The following GOLGA8B variants were observed in gnomAD, a reference collection of about 807,000 sequenced individuals.
The protein encoded by GOLGA8B is golgin subfamily A member 8B.
A neutral mutation model predicts 15.6 loss-of-function variants in GOLGA8B; 1 was observed. The observed-to-expected ratio is 0.06, with a 90% CI of 0.02 to 0.30. The LOEUF (loss-of-function observed/expected upper bound fraction) is 0.30. Ranked by LOEUF, GOLGA8B falls within the 10% of genes least tolerant of loss-of-function variation. GOLGA8B has a pLI of 1.00. For missense variants in GOLGA8B, 17 were observed against 201.3 expected, an observed-to-expected ratio of 0.08 and a Z score of 5.54; for synonymous variants, 9 against 80.3, an observed-to-expected ratio of 0.11 and a Z score of 4.75.
At chr15:34,583,188 G>A (rs12899797) in intron 1 of GOLGA8B, among the ~76,000 whole-genome samples, 17,333 of 151,722 alleles carry the variant, frequency 0.11, 1,147 homozygotes, top group East Asian at 0.27. Flanking sequence ...GGCCCCGCCA[G>A]ACAGCGCCAC....
At position 34,569,843 on chromosome 15, in the gene GOLGA8B, A is replaced by T. The variant is rs1888861198; in HGVS notation, c.-1123+13673T>A. Among the ~76,000 whole-genome samples the T allele has an allele frequency of 4.0e-5, 6 of 151,502 alleles. No homozygotes were observed. The South Asian group carries it at 1.3e-3, about 32-fold the overall frequency. Reference sequence around the variant, plus strand: ...GGGCGGACACTCCAAGGTCAAGGCTAGAACATAAATGACAGGGAACAACTG... The same window carrying T: ...GGGCGGACACTCCAAGGTCAAGGCTTGAACATAAATGACAGGGAACAACTG... On this transcript the variant is annotated intron_variant, in intron 1 of 23. Coordinates refer to ENST00000683415, the MANE Select transcript of GOLGA8B (RefSeq NM_001023567.5).
chr15:34,578,841 A>T (rs1390042659), intron 1 of GOLGA8B, among the ~76,000 whole-genome samples: 2 of 152,074 alleles, frequency 1.3e-5, no homozygotes, highest in African/African-American at 4.8e-5. Flanking sequence ...TTTTCTCTTA[A>T]TTTTGATCCT....
intron 4 of GOLGA8B, among the ~76,000 whole-genome samples, chr15:34,549,185 T>A (rs1466136785): frequency 1.1e-4 from 11 of 97,592 alleles, no homozygotes; most frequent in African/African-American, 3.8e-4. Flanking sequence ...ATAAAAACAT[T>A]TCCAACACTC....
intron 7 of GOLGA8B, among the ~76,000 whole-genome samples, chr15:34,543,069 G>A (rs1433557626): frequency 1.1e-4 from 10 of 90,060 alleles, no homozygotes; most frequent in Non-Finnish European, 2.0e-4. Context: ...ATATCTCTCT[G>A]TGTAACATAT....
At chr15:34,579,884 G>C (rs1889184534) in intron 1 of GOLGA8B, among the ~76,000 whole-genome samples, 1 of 152,240 alleles carries the variant, frequency 6.6e-6, no homozygotes, top group Non-Finnish European at 1.5e-5. Context: ...TTTTACATTT[G>C]AGTGATAAGA....
intron 1 of GOLGA8B, among the ~76,000 whole-genome samples, chr15:34,558,234 TTC>T (rs1888542742): frequency 2.2e-5 from 1 of 46,070 alleles, no homozygotes; most frequent in South Asian, 8.7e-4. Flanking sequence ...TGGTCCAGGC[TTC>T]TGTCTGGTCC....
rs1348966558 is a variant in GOLGA8B, at chr15:34,563,936, C to T, written c.-1122-9980G>A. Among the ~76,000 whole-genome samples the T allele has an allele frequency of 1.1e-4, 16 of 139,440 alleles. 1 individual carries two copies. The highest frequency in any genetic ancestry group is 1.1e-3 in the Admixed American group (15 of 13,928). The allele number at this position is 139,440 out of a possible 152,430, so 91.5% of individuals were successfully genotyped here. On this transcript the variant is annotated intron_variant, in intron 1 of 23. Transcript: ENST00000683415. ...ATAGTTTTGTTTCCTTCCTTCTAGG[C>T]TCTTATTTCATTTCCGTACCAATGG...
chr15:34,528,007 G>GA lies in GOLGA8B; in HGVS notation c.1523dup (p.Leu509ProfsTer10), dbSNP rs1408643590. 1 of 942,958 alleles carries GA rather than the reference G, an allele frequency of 1.1e-6. No individual in the cohort carries two copies. Among genetic ancestry groups the GA allele is most frequent in the Non-Finnish European group, 1.5e-6 (1 of 683,756 alleles). 58.4% of individuals were successfully genotyped at this position (942,958 alleles called of 1,614,324 possible). On this transcript the variant is annotated frameshift_variant, in exon 23 of 24. Transcript: ENST00000683415. LOFTEE classifies it high-confidence loss of function. The stretch of plus-strand genomic sequence containing the variant: ...CAGCAGGGTTCCGGGCAGCGGCCAG[G>GA]AATTTGCCGTGCCCCTCGCTGTAGC...
At chr15:34,579,547 A>C (rs1269706921) in intron 1 of GOLGA8B, among the ~76,000 whole-genome samples, 1 of 152,194 alleles carries the variant, frequency 6.6e-6, no homozygotes, top group East Asian at 1.9e-4. Context: ...GCACAATAAG[A>C]AAGCTCATTC....
chr15:34,571,737 G>A (rs1888920072), intron 1 of GOLGA8B, among the ~76,000 whole-genome samples: 1 of 152,056 alleles, frequency 6.6e-6, no homozygotes, highest in Non-Finnish European at 1.5e-5. Flanking sequence ...GCAGGAGGGT[G>A]GTTATACACA....
intron 1 of GOLGA8B, among the ~76,000 whole-genome samples, chr15:34,581,203 T>C (rs559001089): frequency 1.3e-5 from 2 of 152,340 alleles, no homozygotes; most frequent in South Asian, 2.1e-4. Context: ...GGGGCAGGTA[T>C]GCGTGGCAGA....
In GOLGA8B at chr15:34,526,061, C is replaced by T. The variant is rs1059893; in HGVS notation, c.*1571G>A. On this transcript the variant is annotated 3_prime_UTR_variant, in exon 24 of 24. Coordinates refer to ENST00000683415, the MANE Select transcript of GOLGA8B (RefSeq NM_001023567.5). ...GCAATGTATGATTGAAATGCATTCA[C>T]TCATCACGCATAGGCACAATCACAG... 58,009 of 148,762 alleles carry T rather than the reference C, an allele frequency of 0.39. 14,319 individuals are homozygous for T. Among genetic ancestry groups the T allele is most frequent in the Admixed American group, 0.52 (7,640 of 14,598 alleles). The allele number at this position is 148,762 out of a possible 1,614,324, so 9.2% of individuals were successfully genotyped here. A position where few individuals can be genotyped will look rare whatever the true frequency, so the allele number is the denominator to read the frequency against.
intron 1 of GOLGA8B, chr15:34,574,990 C>T (rs974741670): frequency 6.6e-5 from 10 of 152,110 alleles, no homozygotes; most frequent in African/African-American, 2.2e-4. Context: ...CTGAATGTCT[C>T]CCCAGACCCC....
intron 7 of GOLGA8B, among the ~76,000 whole-genome samples, chr15:34,543,710 TAC>T (rs1289192991): frequency 1.0e-5 from 1 of 98,600 alleles, no homozygotes; most frequent in East Asian, 3.2e-4. Context: ...TTCCAAAACC[TAC>T]AGTCTTTGGA....
At chr15:34,581,793 C>T (rs1399223975) in intron 1 of GOLGA8B, among the ~76,000 whole-genome samples, 6 of 152,140 alleles carry the variant, frequency 3.9e-5, no homozygotes, top group Non-Finnish European at 8.8e-5. Flanking sequence ...GCCCAAGAGC[C>T]AGACAGTGGG....
chr15:34,571,187 G>T (rs1435999309), intron 1 of GOLGA8B, among the ~76,000 whole-genome samples: 1 of 152,062 alleles, frequency 6.6e-6, no homozygotes, highest in Non-Finnish European at 1.5e-5. Flanking sequence ...TTAGCCAGGC[G>T]TGGTGGACCC....
chr15:34,566,704 G>T (rs1236652681), intron 1 of GOLGA8B, among the ~76,000 whole-genome samples: 1 of 143,728 alleles, frequency 7.0e-6, no homozygotes, highest in Non-Finnish European at 1.6e-5. Flanking sequence ...AAAACCCCAG[G>T]GTCCAGCCAG....
chr15:34,573,536 CAAAAAAAAAAAA>C (rs60984933), intron 1 of GOLGA8B, among the ~76,000 whole-genome samples: 2 of 86,844 alleles, frequency 2.3e-5, no homozygotes, highest in Admixed American at 1.2e-4. Flanking sequence ...GACTCCGTCT[CAAAAAAAAAAAA>C]AAAAAAAAAA....
chr15:34,579,777 C>T lies in GOLGA8B; in HGVS notation c.-1123+3739G>A, dbSNP rs370606911. On this transcript the variant is annotated intron_variant, in intron 1 of 23. Coordinates refer to ENST00000683415, the MANE Select transcript of GOLGA8B (RefSeq NM_001023567.5). ...TGTGCTGCAAGGAGACTACTGCTCC[C>T]GTGTTTCATTCACTCACTCATCCAA... 4.8e-4 allele frequency among the ~76,000 whole-genome samples: 73 copies of T among 152,298 alleles called. 1 individual carries two copies. In the South Asian group the frequency reaches 0.014, roughly 30 times the overall value.
Sources: allele counts gnomAD v4.1 joint callset (sites outside exome capture counted in the v4.1 genomes callset), GRCh38; gene constraint gnomAD v4.1.1; transcripts MANE v1.5; gene names NCBI Gene and HGNC (gene_info 2026-07-23, HGNC 2026-07-21).